OXTR: variants seen among roughly 807,000 people sequenced by gnomAD.
OXTR encodes the protein oxytocin receptor.
A neutral mutation model predicts 23.9 loss-of-function variants in OXTR; 19 were observed. The ratio of observed to expected loss-of-function variants is 0.80; its 90% CI spans 0.56 to 1.17. The LOEUF (loss-of-function observed/expected upper bound fraction) is 1.17. Ranked by LOEUF, OXTR falls within the 50% of genes most tolerant of loss-of-function variation. The probability of loss-of-function intolerance (pLI) is 0.00; values close to 1 mark genes in which losing one functional copy is unlikely to be tolerated. For synonymous variants in OXTR, 278 were observed against 250.5 expected (o/e 1.11, Z -1.04); for missense variants, 500 against 550.7 (o/e 0.91, Z 0.92).
At chr3:8,748,499 A>T (rs1708204019), downstream of OXTR, among the ~76,000 whole-genome samples, 1 of 152,210 alleles carries the variant, frequency 6.6e-6, no homozygotes, top group Non-Finnish European at 1.5e-5. Context: ...AATAACTCTG[A>T]AGCCCTGCAG....
chr3:8,766,756 G>T (rs1230643814), intron 3 of OXTR, among the ~76,000 whole-genome samples: 1 of 152,156 alleles, frequency 6.6e-6, no homozygotes, highest in African/African-American at 2.4e-5. Flanking sequence ...CTCCTGCAAG[G>T]CTGTCCTTGT....
chr3:8,765,488 T>TC (rs1290291247), intron 3 of OXTR, among the ~76,000 whole-genome samples: 1 of 152,228 alleles, frequency 6.6e-6, no homozygotes, highest in Non-Finnish European at 1.5e-5. Context: ...AAGAGATCTC[T>TC]CATCTAACAT....
intron 3 of OXTR, among the ~76,000 whole-genome samples, chr3:8,765,891 A>C (rs979616744): frequency 6.6e-6 from 1 of 152,218 alleles, no homozygotes; most frequent in African/African-American, 2.4e-5. Context: ...TAAAGCAAAC[A>C]CTGAGCTAAC....
downstream of OXTR, among the ~76,000 whole-genome samples, chr3:8,748,329 G>A (rs1708201735): frequency 6.6e-6 from 1 of 152,226 alleles, no homozygotes; most frequent in South Asian, 2.1e-4. Flanking sequence ...CTGTGGTTCA[G>A]AGCAGATTCA....
intron 3 of OXTR, among the ~76,000 whole-genome samples, chr3:8,753,809 G>A (rs188194132): frequency 5.7e-5 from 6 of 104,770 alleles, no homozygotes; most frequent in Non-Finnish European, 8.5e-5. Flanking sequence ...ACCATGTGCC[G>A]GGCAAATCAA....
At chr3:8,745,045 A>G in the OXTR span, 7 of 166,810 alleles carry the variant, frequency 4.2e-5, no homozygotes, top group East Asian at 1.6e-4. This position sits in a 1 kb window ranked among gnomAD's most constrained non-coding sequence, Gnocchi z 4.8. Flanking sequence ...ATAATCTCCA[A>G]TATTGGAGGT....
the OXTR span, chr3:8,742,512 C>T: frequency 2.9e-4 from 133 of 456,636 alleles, no homozygotes; most frequent in Non-Finnish European, 4.7e-4. Flanking sequence ...CTGAGACACA[C>T]GCAGACTCAT....
At chr3:8,754,602 C>T (rs938113439) in intron 3 of OXTR, among the ~76,000 whole-genome samples, 1 of 152,166 alleles carries the variant, frequency 6.6e-6, no homozygotes, top group African/African-American at 2.4e-5. Context: ...ATGAAGAGAA[C>T]AGAGATGTTT....
chr3:8,767,448 G>C lies in OXTR; in HGVS notation c.740C>G (p.Ala247Gly). 6.2e-7 allele frequency: 1 copy of C among 1,600,896 alleles called. No homozygotes were observed. The highest frequency in any genetic ancestry group is 8.5e-7 in the Non-Finnish European group (1 of 1,174,084). ...AAAAAEAPEGAAAGDGGRVAL... is the reference protein window; with the variant it reads ...AAAAAEAPEGGAAGDGGRVAL... The stretch of plus-strand genomic sequence containing the variant: ...CACGCGCCCCCCATCGCCAGCCGCC[G>C]CGCCCTCTGGCGCCTCGGCCGCCGC... The change falls in exon 3 of 4, where the codon GCG becomes GGG. Residue 247 changes from alanine (A) to glycine (G), a missense_variant. Transcript: ENST00000316793.
At chr3:8,762,113 C>T (rs1161995501) in intron 3 of OXTR, among the ~76,000 whole-genome samples, 1 of 152,170 alleles carries the variant, frequency 6.6e-6, no homozygotes, top group Non-Finnish European at 1.5e-5. Context: ...CAGCCCGGGG[C>T]CACAGACCTC....
Position 8,768,383 on chromosome 3 carries a change from G to T in OXTR, c.-142-54C>A. 1 of 882,590 alleles carries T rather than the reference G, an allele frequency of 1.1e-6. No homozygotes were observed. Among genetic ancestry groups the T allele is most frequent in the Non-Finnish European group, 1.5e-6 (1 of 677,888 alleles). 54.7% of individuals were successfully genotyped at this position (882,590 alleles called of 1,614,324 possible). On this transcript the variant is annotated intron_variant, in intron 2 of 3. Transcript: ENST00000316793. The surrounding 1 kb of genome is among the most constrained non-coding windows in gnomAD (Gnocchi z 5.4). ...GACCGCCGCGTTTCTCTTCCGACGC[G>T]GGTAGGGCGTGCTTGTCCCATTCCC...
chr3:8,756,741 G>C (rs1477947051), intron 3 of OXTR, among the ~76,000 whole-genome samples: 6 of 152,138 alleles, frequency 3.9e-5, no homozygotes, highest in Non-Finnish European at 8.8e-5. Flanking sequence ...TGGCCAAAAG[G>C]AGCTGCCACC....
At chr3:8,763,978 C>T (rs1464802961) in intron 3 of OXTR, among the ~76,000 whole-genome samples, 1 of 152,070 alleles carries the variant, frequency 6.6e-6, no homozygotes, top group East Asian at 1.9e-4. Context: ...CTTGTTGAGG[C>T]ACCTAAATTT....
At chr3:8,742,998 A>G in the OXTR span, among the ~76,000 whole-genome samples, 1 of 152,210 alleles carries the variant, frequency 6.6e-6, no homozygotes, top group Admixed American at 6.5e-5. Context: ...TCATAGCAGA[A>G]GGCAAAGGGG....
chr3:8,746,797 T>TCACACACACACACACACACACACACA (rs113631543), downstream of OXTR: 2 of 132,970 alleles, frequency 1.5e-5, no homozygotes, highest in African/African-American at 5.3e-5. Flanking sequence ...TCTCTCTCTC[T>TCACACACACACACACACACACACACA]CTCACACACA....
the OXTR span, among the ~76,000 whole-genome samples, chr3:8,744,486 C>T: frequency 8.1e-6 from 1 of 123,442 alleles, no homozygotes; most frequent in Non-Finnish European, 1.6e-5. Flanking sequence ...TTAGTAGAGA[C>T]AGGGTTTCAC....
chr3:8,760,160 C>G (rs533938242), intron 3 of OXTR, among the ~76,000 whole-genome samples: 1 of 152,336 alleles, frequency 6.6e-6, no homozygotes, highest in South Asian at 2.1e-4. Flanking sequence ...CTGTATACAA[C>G]CTAAGTCCTA....
Position 8,768,350 on chromosome 3 carries a change from C to G in OXTR, c.-142-21G>C, listed in dbSNP as rs1448118074. The stretch of plus-strand genomic sequence containing the variant: ...CCACCCTGAAACAAACCGGGAGGGC[C>G]GTGAGGAGACCGCCGCGTTTCTCTT... On this transcript the variant is annotated intron_variant, in intron 2 of 3. Transcript: ENST00000316793. The surrounding 1 kb of genome is among the most constrained non-coding windows in gnomAD (Gnocchi z 5.4). 1.9e-5 allele frequency: 21 copies of G among 1,117,642 alleles called. No individual in the cohort carries two copies. Among genetic ancestry groups the G allele is most frequent in the Non-Finnish European group, 2.4e-5 (21 of 891,726 alleles). 69.2% of individuals were successfully genotyped at this position (1,117,642 alleles called of 1,614,324 possible).
chr3:8,760,852 G>C (rs1373451822), intron 3 of OXTR, among the ~76,000 whole-genome samples: 4 of 152,188 alleles, frequency 2.6e-5, no homozygotes, highest in African/African-American at 9.7e-5. Context: ...ACACAAGGCA[G>C]GCTGGCCAGA....
Sources: allele counts gnomAD v4.1 joint callset (sites outside exome capture counted in the v4.1 genomes callset), GRCh38; gene constraint gnomAD v4.1.1; non-coding constraint Gnocchi (gnomAD v3.1); transcripts MANE v1.5; gene names NCBI Gene and HGNC (gene_info 2026-07-23, HGNC 2026-07-21).